The following RPS6KC1 variants were observed in gnomAD, a reference collection of about 807,000 sequenced individuals.
RPS6KC1 encodes the protein inactive ribosomal protein S6 kinase delta-1.
Under a neutral mutation model 103.8 loss-of-function variants are expected in RPS6KC1, and 54 were observed. The ratio of observed to expected loss-of-function variants is 0.52; its 90% CI spans 0.42 to 0.65. RPS6KC1 has a LOEUF of 0.65. Among genes scored for constraint, RPS6KC1 ranks in the 30% least tolerant of loss-of-function variants. The pLI, the probability that RPS6KC1 is intolerant of heterozygous loss-of-function variation, is 0.00. For missense variants in RPS6KC1, 1,151 were observed against 1,253.8 expected, an observed-to-expected ratio of 0.92 and a Z score of 1.24; for synonymous variants, 439 against 438.7, an observed-to-expected ratio of 1.00 and a Z score of -0.01.
At chr1:213,680,467 C>T in the RPS6KC1 span, among the ~76,000 whole-genome samples, 1 of 152,096 alleles carries the variant, frequency 6.6e-6, no homozygotes, top group Non-Finnish European at 1.5e-5. Flanking sequence ...TGATTTATGT[C>T]AAACCATCCT....
the RPS6KC1 span, among the ~76,000 whole-genome samples, chr1:213,354,052 G>T: frequency 6.6e-6 from 1 of 152,104 alleles, no homozygotes; most frequent in Non-Finnish European, 1.5e-5. Flanking sequence ...TGCCCTTTTG[G>T]CAATCTAAGA....
chr1:213,802,626 A>C, the RPS6KC1 span, among the ~76,000 whole-genome samples: 2 of 152,068 alleles, frequency 1.3e-5, no homozygotes, highest in Non-Finnish European at 2.9e-5. Flanking sequence ...TCTTTATAGC[A>C]ATAACTTAGG....
chr1:213,525,127 T>A, the RPS6KC1 span, among the ~76,000 whole-genome samples: 1 of 152,056 alleles, frequency 6.6e-6, no homozygotes, highest in Non-Finnish European at 1.5e-5. Context: ...GAGGGCAAAG[T>A]GGAAATAGAA....
At chr1:213,356,304 T>A in the RPS6KC1 span, among the ~76,000 whole-genome samples, 4 of 152,200 alleles carry the variant, frequency 2.6e-5, no homozygotes, top group Admixed American at 2.0e-4. Flanking sequence ...ACATCATAAA[T>A]CCCCAGGATT....
At chr1:213,077,439 T>G (rs2079444541) in intron 2 of RPS6KC1, among the ~76,000 whole-genome samples, 3 of 152,224 alleles carry the variant, frequency 2.0e-5, no homozygotes, top group African/African-American at 4.8e-5. Context: ...CAGAATAGTT[T>G]GAGGAAGAAT....
chr1:213,795,478 T>C, the RPS6KC1 span, among the ~76,000 whole-genome samples: 3 of 152,212 alleles, frequency 2.0e-5, no homozygotes, highest in Admixed American at 6.5e-5. Context: ...CTATAGTATG[T>C]GCTTGGGAAA....
the RPS6KC1 span, among the ~76,000 whole-genome samples, chr1:213,630,793 C>T: frequency 6.6e-6 from 1 of 151,832 alleles, no homozygotes. Context: ...TTCCTTCTAA[C>T]AGTAAGGACC....
the RPS6KC1 span, among the ~76,000 whole-genome samples, chr1:213,851,945 A>G: frequency 1.3e-5 from 2 of 152,092 alleles, no homozygotes; most frequent in Admixed American, 1.3e-4. Flanking sequence ...TCTGACCCTA[A>G]GCATTTCTCT....
At chr1:213,160,373 A>T (rs2090343646) in intron 6 of RPS6KC1, among the ~76,000 whole-genome samples, 1 of 152,218 alleles carries the variant, frequency 6.6e-6, no homozygotes, top group Non-Finnish European at 1.5e-5. Context: ...TCCTCATGTT[A>T]TTACAATTTT....
At position 213,181,883 on chromosome 1, in the gene RPS6KC1, G is replaced by A. The variant is rs753304436; in HGVS notation, c.1044+5391G>A. On this transcript the variant is annotated intron_variant, in intron 8 of 14. Transcript: ENST00000366960. ...ACAATACATGCAAGAATCTTGTCACGTTAGGAAGAAAGAAAGAACATTGGA... is the reference window on the plus strand; with the variant it reads ...ACAATACATGCAAGAATCTTGTCACATTAGGAAGAAAGAAAGAACATTGGA... Among the ~76,000 whole-genome samples, 8 of 152,264 alleles carry A rather than the reference G, an allele frequency of 5.3e-5. 1 individual carries two copies. The highest frequency in any genetic ancestry group is 1.2e-4 in the African/African-American group (5 of 41,568).
the RPS6KC1 span, among the ~76,000 whole-genome samples, chr1:213,682,831 C>T: frequency 6.6e-6 from 1 of 152,206 alleles, no homozygotes; most frequent in Non-Finnish European, 1.5e-5. Context: ...CCACTGTTCA[C>T]ATTTTGGTAT....
chr1:213,588,542 G>A, the RPS6KC1 span, among the ~76,000 whole-genome samples: 1 of 152,034 alleles, frequency 6.6e-6, no homozygotes, highest in African/African-American at 2.4e-5. Context: ...CTTGTGATCT[G>A]CCCTCCTCAG....
the RPS6KC1 span, among the ~76,000 whole-genome samples, chr1:213,581,496 T>TA: frequency 2.6e-4 from 40 of 152,202 alleles, no homozygotes; most frequent in African/African-American, 8.7e-4. Flanking sequence ...GCTGGGATCA[T>TA]ACCACAGAGG....
intron 12 of RPS6KC1, among the ~76,000 whole-genome samples, chr1:213,254,791 A>G (rs1247788430): frequency 6.6e-6 from 1 of 152,118 alleles, no homozygotes; most frequent in Non-Finnish European, 1.5e-5. Context: ...TTTCTGAGGT[A>G]ATAGTTTGTT....
the RPS6KC1 span, among the ~76,000 whole-genome samples, chr1:213,779,819 A>C: frequency 6.6e-6 from 1 of 152,308 alleles, no homozygotes; most frequent in African/African-American, 2.4e-5. Context: ...TGATGGGACC[A>C]ACATGCTTTC....
chr1:213,150,658 G>A (rs1482763923), intron 6 of RPS6KC1, among the ~76,000 whole-genome samples: 1 of 151,902 alleles, frequency 6.6e-6, no homozygotes, highest in Non-Finnish European at 1.5e-5. Flanking sequence ...AGGATCCCAA[G>A]GCAGAAGAAT....
intron 8 of RPS6KC1, among the ~76,000 whole-genome samples, chr1:213,193,298 G>A (rs570270544): frequency 1.3e-5 from 2 of 152,126 alleles, no homozygotes; most frequent in East Asian, 1.9e-4. Context: ...TCGCTCTGTT[G>A]CCCAGGCAGC....
the RPS6KC1 span, among the ~76,000 whole-genome samples, chr1:213,363,629 T>TTGCTTG: frequency 3.1e-3 from 114 of 36,416 alleles, no homozygotes; most frequent in South Asian, 5.1e-3. Flanking sequence ...TTGCTTGCTT[T>TTGCTTG]CTTTCTTTCT....
chr1:213,483,905 G>A, the RPS6KC1 span, among the ~76,000 whole-genome samples: 1 of 152,216 alleles, frequency 6.6e-6, no homozygotes, highest in Non-Finnish European at 1.5e-5. Context: ...TTCCTCAGGT[G>A]TGGTGAGACT....
Sources: gnomAD v4.1 joint callset for allele counts (sites outside exome capture counted in the v4.1 genomes callset) on GRCh38, gnomAD v4.1.1 for gene constraint, MANE v1.5 for transcripts, NCBI Gene and HGNC (gene_info 2026-07-23, HGNC 2026-07-21) for gene names.